NAPEPLD: variants seen among roughly 807,000 people sequenced by gnomAD.
NAPEPLD encodes the protein N-acyl phosphatidylethanolamine phospholipase D.
NAPEPLD carries 23 observed loss-of-function variants against 38.1 expected under a neutral mutation model. That is an observed-to-expected ratio of 0.60 (90% CI 0.43 to 0.86). NAPEPLD has a LOEUF of 0.86. Ranked by LOEUF, NAPEPLD falls within the 40% of genes least tolerant of loss-of-function variation. The pLI, the probability that NAPEPLD is intolerant of heterozygous loss-of-function variation, is 0.00. For missense variants in NAPEPLD, 411 were observed against 476.8 expected (o/e 0.86, Z 1.28); for synonymous variants, 147 against 162.0 (o/e 0.91, Z 0.71).
intron 1 of NAPEPLD, among the ~76,000 whole-genome samples, chr7:103,135,486 G>A (rs1371765531): frequency 3.3e-5 from 5 of 152,118 alleles, no homozygotes; most frequent in Non-Finnish European, 7.4e-5. Context: ...ATAATAAGAG[G>A]GAGAATGTTC....
At chr7:103,111,695 C>T (rs1351388165) in intron 4 of NAPEPLD, among the ~76,000 whole-genome samples, 1 of 152,174 alleles carries the variant, frequency 6.6e-6, no homozygotes, top group Non-Finnish European at 1.5e-5. Context: ...AGGACATGGG[C>T]ATGGGCAAAG....
rs1250525636 is a variant in NAPEPLD, at chr7:103,143,060, C to G, written c.-17+5751G>C. ...GCAACATAGTGAGACTCTGTCTCTA[C>G]AAAAAAAAAAACAAAAAAACAAAAA... On this transcript the variant is annotated intron_variant, in intron 1 of 4. Coordinates refer to ENST00000465647, the MANE Select transcript of NAPEPLD (RefSeq NM_001122838.3). Among the ~76,000 whole-genome samples the G allele has an allele frequency of 4.0e-4, 9 of 22,342 alleles. No homozygotes were observed. The East Asian group carries it at 0.25, about 621-fold the overall frequency. The allele number at this position is 22,342 out of a possible 152,430, so 14.7% of individuals were successfully genotyped here.
intron 2 of NAPEPLD, among the ~76,000 whole-genome samples, chr7:103,122,373 C>G (rs1222329479): frequency 2.0e-5 from 3 of 151,924 alleles, no homozygotes; most frequent in African/African-American, 7.3e-5. Flanking sequence ...GAGAGTGTCA[C>G]AACAGTTGCC....
chr7:103,149,446 C>T (rs1813291813), upstream of NAPEPLD: 1 of 1,257,354 alleles, frequency 8.0e-7, no homozygotes, highest in Non-Finnish European at 1.0e-6. Context: ...ACGCCAGCAG[C>T]TGCAGGCAGC....
intron 4 of NAPEPLD, among the ~76,000 whole-genome samples, chr7:103,112,545 T>C (rs995585839): frequency 7.9e-5 from 12 of 151,274 alleles, no homozygotes; most frequent in South Asian, 2.1e-4. Context: ...TAAGTGGGAG[T>C]TGAACAATGA....
intron 1 of NAPEPLD, chr7:103,141,427 CTT>C (rs1440780428): frequency 1.4e-5 from 12 of 884,926 alleles, no homozygotes; most frequent in Non-Finnish European, 2.3e-5. Context: ...CTTCATAGCT[CTT>C]GTGTGCTTCC....
intron 1 of NAPEPLD, among the ~76,000 whole-genome samples, chr7:103,136,727 ATTTTTTTC>A (rs1810165358): frequency 1.3e-5 from 2 of 152,092 alleles, no homozygotes; most frequent in Non-Finnish European, 2.9e-5. Flanking sequence ...AAGTTACTGA[ATTTTTTTC>A]ATTTTTCTTT....
intron 1 of NAPEPLD, among the ~76,000 whole-genome samples, chr7:103,131,711 G>A (rs1046837108): frequency 1.3e-5 from 2 of 152,004 alleles, no homozygotes; most frequent in Non-Finnish European, 2.9e-5. Flanking sequence ...GACTATAGAG[G>A]GTTAAAAGAC....
intron 1 of NAPEPLD, among the ~76,000 whole-genome samples, chr7:103,145,211 GA>G (rs1054324515): frequency 9.9e-5 from 15 of 152,186 alleles, no homozygotes; most frequent in African/African-American, 3.4e-4. Context: ...CTAAGCAAAA[GA>G]AAAAAATTAT....
chr7:103,122,930 T>C (rs116714767), intron 2 of NAPEPLD, among the ~76,000 whole-genome samples: 2,131 of 152,318 alleles, frequency 0.014, 51 homozygotes, highest in African/African-American at 0.047. Flanking sequence ...CCACTGGCTC[T>C]CTACTGCCTG....
intron 2 of NAPEPLD, among the ~76,000 whole-genome samples, chr7:103,121,445 T>C (rs572834803): frequency 6.6e-6 from 1 of 152,228 alleles, no homozygotes; most frequent in South Asian, 2.1e-4. Context: ...TGGTACCACC[T>C]CCACCTTCCT....
intron 1 of NAPEPLD, among the ~76,000 whole-genome samples, chr7:103,147,663 G>C (rs151274539): frequency 3.0e-4 from 46 of 152,298 alleles, no homozygotes; most frequent in African/African-American, 1.0e-3. Context: ...CCCTGTGATG[G>C]AATGCTTATG....
intron 1 of NAPEPLD, chr7:103,141,688 T>C (rs542253565): frequency 4.4e-6 from 4 of 913,544 alleles, no homozygotes; most frequent in Non-Finnish European, 3.7e-6. Flanking sequence ...GGGCATTGGC[T>C]GTACCCTTCC....
chr7:103,107,219 C>G (rs567513823), intron 4 of NAPEPLD, among the ~76,000 whole-genome samples: 1 of 152,080 alleles, frequency 6.6e-6, no homozygotes, highest in Non-Finnish European at 1.5e-5. Context: ...ACAAAAAGGA[C>G]GTCCACTCAT....
chr7:103,129,645 G>A (rs1808518343), intron 1 of NAPEPLD, among the ~76,000 whole-genome samples: 1 of 152,092 alleles, frequency 6.6e-6, no homozygotes, highest in African/African-American at 2.4e-5. Flanking sequence ...TTAACTGAGA[G>A]ACATTTCAAT....
At chr7:103,108,165 T>C (rs1803779090) in intron 4 of NAPEPLD, among the ~76,000 whole-genome samples, 1 of 138,156 alleles carries the variant, frequency 7.2e-6, no homozygotes, top group Admixed American at 7.5e-5. Context: ...TTTTTTGAGA[T>C]GGAGTCTTGC....
chr7:103,104,465 T>C (rs1397514236), intron 4 of NAPEPLD, among the ~76,000 whole-genome samples: 1 of 152,136 alleles, frequency 6.6e-6, no homozygotes, highest in Non-Finnish European at 1.5e-5. Flanking sequence ...GGACAGCCAA[T>C]GATGTGCAAG....
intron 1 of NAPEPLD, among the ~76,000 whole-genome samples, chr7:103,134,420 C>T (rs1809606397): frequency 6.6e-6 from 1 of 152,230 alleles, no homozygotes. Context: ...CAGGCCGAGG[C>T]AGGTGGATCA....
At chr7:103,131,494 A>G (rs1379360073) in intron 1 of NAPEPLD, among the ~76,000 whole-genome samples, 2 of 152,124 alleles carry the variant, frequency 1.3e-5, no homozygotes, top group Non-Finnish European at 2.9e-5. Context: ...CCCTGTCTCT[A>G]CTAAAAATAC....
Sources: gnomAD v4.1 joint callset for allele counts (sites outside exome capture counted in the v4.1 genomes callset) on GRCh38, gnomAD v4.1.1 for gene constraint, MANE v1.5 for transcripts, NCBI Gene and HGNC (gene_info 2026-07-23, HGNC 2026-07-21) for gene names.